Variants in REXO1 observed in about 807,000 individuals in gnomAD.
REXO1 encodes the protein RNA exonuclease 1 homolog, also known as REX1, RNA exonuclease 1 homolog.
In REXO1, 42 loss-of-function variants were observed where a neutral mutation model predicts 102.6. The ratio of observed to expected loss-of-function variants is 0.41; its 90% CI spans 0.32 to 0.53. The LOEUF (loss-of-function observed/expected upper bound fraction) is 0.53. Among genes scored for constraint, REXO1 ranks in the 20% least tolerant of loss-of-function variants. REXO1 has a pLI of 0.27. For synonymous variants in REXO1, 908 were observed against 779.1 expected, an observed-to-expected ratio of 1.17 and a Z score of -2.76; for missense variants, 1,819 against 1,732.5, an observed-to-expected ratio of 1.05 and a Z score of -0.89.
rs752475303 is a variant in REXO1 at position 1,821,659 on chromosome 19, G to A, written c.2254C>T (p.Leu752Phe). The A allele has an allele frequency of 1.2e-6, 2 of 1,612,822 alleles. No individual in the cohort carries two copies. Among genetic ancestry groups the A allele is most frequent in the South Asian group, 2.2e-5 (2 of 91,044 alleles). The change falls in exon 5 of 16, where the codon CTT becomes TTT. Residue 752 changes from leucine to phenylalanine, a missense_variant. Physicochemically the swap from Leu to Phe is conservative, Grantham distance 22 (BLOSUM62 0). Coordinates refer to ENST00000170168, the MANE Select transcript of REXO1 (RefSeq NM_020695.4). ...AAAPTGAKRT[L>F]AASGSQSSNG... is the part of the protein sequence containing the mutation. ...GAGGACTGGCTGCCGCTGGCCGCAA[G>A]GGTCCTCTTGGCACCTGTGGGGGCT...
Position 1,816,263 on chromosome 19 carries a change from A to G in REXO1, c.3539T>C (p.Leu1180Pro). The change falls in exon 15 of 16, where the codon CTC (leucine) becomes CCC (proline). Residue 1180 changes from leucine to proline, a missense_variant. By Grantham distance (98) the Leu-to-Pro change is moderately conservative. Coordinates refer to ENST00000170168, the MANE Select transcript of REXO1 (RefSeq NM_020695.4). The part of the protein sequence containing the change: ...GLPYKRSLRN[L>P]MADYLRQIIQ... Reference sequence around the variant, plus strand: ...GATCTGTCTGAGGTAGTCGGCCATGAGGTTCCGCAGGGACCGCTTGTAGGG... The same window carrying G: ...GATCTGTCTGAGGTAGTCGGCCATGGGGTTCCGCAGGGACCGCTTGTAGGG... 6.3e-7 allele frequency: 1 copy of G among 1,588,262 alleles called. No homozygotes were observed. Among genetic ancestry groups the G allele is most frequent in the African/African-American group, 1.3e-5 (1 of 74,558 alleles).
intron 1 of REXO1, among the ~76,000 whole-genome samples, chr19:1,837,119 G>A (rs2070062460): frequency 6.6e-6 from 1 of 152,234 alleles, no homozygotes. Context: ...TGACCCTCGC[G>A]AAGCGCAAGG....
At chr19:1,835,567 C>CAT (rs1045035645) in intron 1 of REXO1, among the ~76,000 whole-genome samples, 32 of 151,592 alleles carry the variant, frequency 2.1e-4, no homozygotes, top group African/African-American at 7.8e-4. Flanking sequence ...TACATACATA[C>CAT]ACACACACAT....
rs771860291 is a variant in REXO1 at position 1,817,814 on chromosome 19, G to A, written c.3017-34C>T. ...GACACAGACACACAGTCAGGGCCCG[G>A]CCAGGCCCACTCCACAGCCCCCGGG... On this transcript the variant is annotated intron_variant, in intron 10 of 15. Transcript: ENST00000170168. The A allele has an allele frequency of 1.5e-5, 23 of 1,583,160 alleles. No individual in the cohort carries two copies. The Admixed American group carries it at 3.4e-4, about 24-fold the overall frequency.
Position 1,828,329 on chromosome 19 carries a change from C to T in REXO1, c.460G>A (p.Gly154Ser), listed in dbSNP as rs373518927. 7 of 1,609,562 alleles carry T rather than the reference C, an allele frequency of 4.3e-6. No homozygotes were observed. Among genetic ancestry groups the T allele is most frequent in the East Asian group, 2.2e-5 (1 of 44,794 alleles). ...TCAGGGCTTAATAGGCCGTGGCTGC[C>T]GGGGCTGTAGTCGAAGGCCAGTGGG... ...AFPLAFDYSPGSHGLLSPDAG... is the reference protein window; with the variant it reads ...AFPLAFDYSPSSHGLLSPDAG... The change falls in exon 2 of 16, where the codon GGC (glycine) becomes AGC (serine). Residue 154 changes from glycine (G) to serine (S), a missense_variant. Gly to Ser is a moderately conservative substitution (Grantham distance 56, BLOSUM62 0). Transcript: ENST00000170168.
intron 1 of REXO1, among the ~76,000 whole-genome samples, 154 bp downstream of exon 1, chr19:1,848,048 G>T (rs555623274): frequency 6.6e-6 from 1 of 152,238 alleles, no homozygotes; most frequent in Non-Finnish European, 1.5e-5. Flanking sequence ...CGGGTCCCAG[G>T]GTGGGTGGTT....
Position 1,816,330 on chromosome 19 carries a change from C to T in REXO1, c.3472G>A (p.Val1158Met), listed in dbSNP as rs903594077. ...LLALKVIHST[V>M]VDTSVLFPHR... is the part of the protein sequence containing the mutation. ...GGGAAGAGCACAGACGTGTCCACCA[C>T]GGTGCTGTGGATGACCTGTGGGCAG... Residue 1158 changes from valine (V) to methionine (M), a missense_variant, in exon 15 of 16, where the codon GTG (valine) becomes ATG (methionine). Physicochemically the swap from Val to Met is conservative, Grantham distance 21. Transcript: ENST00000170168. The T allele has an allele frequency of 1.9e-6, 3 of 1,591,076 alleles. No homozygotes were observed. Among genetic ancestry groups the T allele is most frequent in the Non-Finnish European group, 1.7e-6 (2 of 1,168,924 alleles).
intron 1 of REXO1, 140 bp from the exon 2 acceptor site, chr19:1,828,771 C>G: frequency 1.7e-6 from 2 of 1,168,992 alleles, no homozygotes; most frequent in Non-Finnish European, 2.3e-6. Flanking sequence ...CGCCAAGGCT[C>G]TGGGGTGCCC....
chr19:1,832,593 G>A (rs1422314004), intron 1 of REXO1, among the ~76,000 whole-genome samples: 1 of 151,222 alleles, frequency 6.6e-6, no homozygotes, highest in Non-Finnish European at 1.5e-5. Flanking sequence ...ACCAGGCACG[G>A]TGGCTCACGC....
At position 1,827,220 on chromosome 19, in the gene REXO1, C is replaced by T; in HGVS notation, c.1569G>A (p.Gly523=). 1 of 1,543,874 alleles carries T rather than the reference C, an allele frequency of 6.5e-7. No homozygotes were observed. Among genetic ancestry groups the T allele is most frequent in the Non-Finnish European group, 8.7e-7 (1 of 1,149,084 alleles). The part of the protein sequence containing the change: ...KRALSHADLF[G]DESEDEAAGP... ...CTGCGGCCTCGTCCTCACTCTCGTC[C>T]CCAAAGAGGTCGGCGTGGCTCAGGG... The change falls in exon 2 of 16, where the codon GGG becomes GGA. Residue 523 remains glycine, a synonymous_variant. Coordinates refer to ENST00000170168, the MANE Select transcript of REXO1 (RefSeq NM_020695.4).
At chr19:1,840,222 G>A (rs761733816) in intron 1 of REXO1, among the ~76,000 whole-genome samples, 18 of 152,208 alleles carry the variant, frequency 1.2e-4, no homozygotes, top group Admixed American at 3.3e-4. Context: ...CAGCGTCGAC[G>A]GAGCTGGCCC....
At chr19:1,834,032 G>A (rs891422593) in intron 1 of REXO1, among the ~76,000 whole-genome samples, 8 of 152,218 alleles carry the variant, frequency 5.3e-5, no homozygotes, top group Middle Eastern at 3.4e-3. Context: ...GAGGGCAGGC[G>A]GGGGTGGAGG....
chr19:1,848,040 G>A (rs1568725640), intron 1 of REXO1, among the ~76,000 whole-genome samples, 162 bp downstream of exon 1: 1 of 152,334 alleles, frequency 6.6e-6, no homozygotes, highest in South Asian at 2.1e-4. Flanking sequence ...CTTTGCACCG[G>A]GTCCCAGGGT....
chr19:1,820,583 C>T (rs1398143268), intron 5 of REXO1, among the ~76,000 whole-genome samples, 188 bp from the exon 6 acceptor site: 1 of 152,114 alleles, frequency 6.6e-6, no homozygotes, highest in Non-Finnish European at 1.5e-5. Context: ...CTGAGGGCAG[C>T]GGAACTAAGG....
intron 1 of REXO1, 120 bp downstream of exon 1, chr19:1,848,082 C>T: frequency 4.3e-6 from 2 of 464,570 alleles, no homozygotes; most frequent in East Asian, 3.8e-5. Context: ...GGAAAACCGT[C>T]GCCCGCGAAC....
At chr19:1,820,125 C>T (rs2069487565) in intron 6 of REXO1, 68 bp from the exon 7 acceptor site, 5 of 1,571,474 alleles carry the variant, frequency 3.2e-6, no homozygotes, top group African/African-American at 1.4e-5. Context: ...GCGGTGGGGT[C>T]GCCATGGGGT....
Position 1,828,644 on chromosome 19 carries a change from G to C in REXO1, c.158-13C>G. 6 of 1,591,016 alleles carry C rather than the reference G, an allele frequency of 3.8e-6. No individual in the cohort carries two copies. The highest frequency in any genetic ancestry group is 4.3e-6 in the Non-Finnish European group (5 of 1,174,496). On this transcript the variant is annotated splice_polypyrimidine_tract_variant and intron_variant, in intron 1 of 15. Transcript: ENST00000170168. ...TCGTAACCCAGCCCTGAAGGGAACA[G>C]AGAGCACAGCTGTGACCAGCCTGCC...
chr19:1,830,382 A>G (rs1157763825), intron 1 of REXO1, among the ~76,000 whole-genome samples: 1 of 152,166 alleles, frequency 6.6e-6, no homozygotes, highest in Non-Finnish European at 1.5e-5. Flanking sequence ...GGTGATGCAC[A>G]CCTGTGCTCC....
At chr19:1,820,191 G>A (rs574138901) in intron 6 of REXO1, 73 bp downstream of exon 6, 48 of 1,563,922 alleles carry the variant, frequency 3.1e-5, no homozygotes, top group South Asian at 7.1e-5. Flanking sequence ...CTGAGAGGCC[G>A]GGGGATGTCT....
Sources: allele counts gnomAD v4.1 joint callset (sites outside exome capture counted in the v4.1 genomes callset), GRCh38; gene constraint gnomAD v4.1.1; transcripts MANE v1.5; gene names NCBI Gene and HGNC (gene_info 2026-07-23, HGNC 2026-07-21).